Variants in SORCS2 observed in about 807,000 individuals in gnomAD.
SORCS2 encodes sortilin related VPS10 domain containing receptor 2.
SORCS2 carries 100 observed loss-of-function variants against 141.6 expected under a neutral mutation model. The ratio of observed to expected loss-of-function variants is 0.71; its 90% CI spans 0.60 to 0.83. The LOEUF is 0.83. Among genes scored for constraint, SORCS2 ranks in the 40% least tolerant of loss-of-function variants. The pLI is 0.00. For synonymous variants in SORCS2, 789 were observed against 676.9 expected (o/e 1.17, Z -2.57); for missense variants, 1,646 against 1,560.2 (o/e 1.05, Z -0.93).
chr4:7,481,817 G>A (rs926900693), intron 2 of SORCS2, among the ~76,000 whole-genome samples: 1 of 152,226 alleles, frequency 6.6e-6, no homozygotes, highest in Middle Eastern at 3.4e-3. Context: ...GCCCAGCAAC[G>A]AGAGAGAACG....
intron 3 of SORCS2, among the ~76,000 whole-genome samples, chr4:7,621,113 C>T (rs572243584): frequency 4.9e-4 from 75 of 152,302 alleles, no homozygotes; most frequent in African/African-American, 1.6e-3. Context: ...AGGCACCTCC[C>T]CTGCTGGGGG....
At chr4:7,261,434 C>T (rs1471376128) in intron 1 of SORCS2, among the ~76,000 whole-genome samples, 1 of 152,216 alleles carries the variant, frequency 6.6e-6, no homozygotes, top group African/African-American at 2.4e-5. Flanking sequence ...GTGGCCAAGG[C>T]ATGAGATTAT....
intron 2 of SORCS2, among the ~76,000 whole-genome samples, chr4:7,512,146 G>C (rs953838259): frequency 6.6e-6 from 1 of 152,118 alleles, no homozygotes; most frequent in Non-Finnish European, 1.5e-5. Context: ...ACAGATATCA[G>C]AGGTGAGCAG....
chr4:7,307,683 C>G (rs1717918287), intron 1 of SORCS2, among the ~76,000 whole-genome samples: 1 of 152,206 alleles, frequency 6.6e-6, no homozygotes, highest in African/African-American at 2.4e-5. Context: ...TCTGTAAGCA[C>G]TGAGGGAGAA....
At chr4:7,724,523 TAGGG>T (rs1726940763) in intron 19 of SORCS2, among the ~76,000 whole-genome samples, 2 of 135,714 alleles carry the variant, frequency 1.5e-5, no homozygotes, top group Non-Finnish European at 3.2e-5. Context: ...ATGGTGGTGA[TAGGG>T]TGGTGGTGAT....
intron 1 of SORCS2, among the ~76,000 whole-genome samples, chr4:7,306,623 C>T (rs1717853161): frequency 6.6e-6 from 1 of 152,172 alleles, no homozygotes; most frequent in African/African-American, 2.4e-5. Context: ...GCTAGGCATG[C>T]CTGGGAATCG....
intron 3 of SORCS2, among the ~76,000 whole-genome samples, chr4:7,534,499 T>C (rs1711948984): frequency 6.6e-6 from 1 of 152,238 alleles, no homozygotes; most frequent in African/African-American, 2.4e-5. Context: ...CGTGTGAATG[T>C]CACCTCTATG....
intron 3 of SORCS2, among the ~76,000 whole-genome samples, chr4:7,543,947 T>TCCAC (rs1225088053): frequency 0.016 from 328 of 21,022 alleles, 17 homozygotes; most frequent in Admixed American, 0.02. Flanking sequence ...CACCCATCCA[T>TCCAC]CCATCCATCC....
At chr4:7,570,854 ATGAATT>A (rs1271912743) in intron 3 of SORCS2, among the ~76,000 whole-genome samples, 1 of 152,152 alleles carries the variant, frequency 6.6e-6, no homozygotes, top group Non-Finnish European at 1.5e-5. Context: ...GGTGACAGCT[ATGAATT>A]TGAGAAAATA....
intron 3 of SORCS2, among the ~76,000 whole-genome samples, chr4:7,560,444 C>T (rs1046572076): frequency 1.1e-4 from 16 of 152,010 alleles, no homozygotes; most frequent in African/African-American, 3.9e-4. Flanking sequence ...CTTTGTCTCT[C>T]AATGGCTTGG....
At chr4:7,690,324 T>C (rs1291471873) in intron 11 of SORCS2, among the ~76,000 whole-genome samples, 3 of 11,176 alleles carry the variant, frequency 2.7e-4, no homozygotes, top group African/African-American at 1.1e-3. Context: ...GGTGGATAGG[T>C]GGACGGGTGG....
At position 7,396,282 on chromosome 4, in the gene SORCS2, C is replaced by A; in HGVS notation, c.481-6C>A. 6.2e-7 allele frequency: 1 copy of A among 1,613,854 alleles called. No individual in the cohort carries two copies. Among genetic ancestry groups the A allele is most frequent in the Non-Finnish European group, 8.5e-7 (1 of 1,179,828 alleles). Reference sequence around the variant, plus strand: ...TTCTGCCTTTTACTTTCTGTTAACACCACAGGTGATCTTGATCCTGACGAA... The same window carrying A: ...TTCTGCCTTTTACTTTCTGTTAACAACACAGGTGATCTTGATCCTGACGAA... On this transcript the variant is annotated splice_polypyrimidine_tract_variant and splice_region_variant and intron_variant, in intron 1 of 26. Coordinates refer to ENST00000507866, the MANE Select transcript of SORCS2 (RefSeq NM_020777.3).
At chr4:7,644,025 G>A (rs954075524) in intron 4 of SORCS2, among the ~76,000 whole-genome samples, 2 of 152,190 alleles carry the variant, frequency 1.3e-5, no homozygotes, top group Admixed American at 6.5e-5. Context: ...GCTCAGGGCA[G>A]GAACAATACT....
intron 2 of SORCS2, among the ~76,000 whole-genome samples, chr4:7,518,231 CGT>C (rs1733108529): frequency 6.6e-6 from 1 of 152,128 alleles, no homozygotes; most frequent in African/African-American, 2.4e-5. Context: ...ATTTATTGAT[CGT>C]ATGTGGATTG....
At chr4:7,721,247 C>T (rs1726571753) in intron 18 of SORCS2, among the ~76,000 whole-genome samples, 1 of 152,112 alleles carries the variant, frequency 6.6e-6, no homozygotes, top group Non-Finnish European at 1.5e-5. Flanking sequence ...GGTGGATCAG[C>T]TGAGGTCGGG....
intron 3 of SORCS2, among the ~76,000 whole-genome samples, chr4:7,604,466 C>T (rs535660520): frequency 2.0e-5 from 3 of 152,142 alleles, no homozygotes; most frequent in Non-Finnish European, 2.9e-5. Context: ...TACAGGTGCC[C>T]GCCACCACGC....
intron 3 of SORCS2, among the ~76,000 whole-genome samples, chr4:7,541,658 C>T (rs1712671067): frequency 6.6e-6 from 1 of 152,220 alleles, no homozygotes. Flanking sequence ...TCAGAACCAT[C>T]TGCGGACATG....
intron 3 of SORCS2, among the ~76,000 whole-genome samples, chr4:7,541,204 T>C (rs1226785505): frequency 6.6e-6 from 1 of 152,192 alleles, no homozygotes; most frequent in Admixed American, 6.5e-5. Context: ...AGGGCTGCCA[T>C]GCGTGCACCT....
At chr4:7,227,815 C>G (rs1357614911) in intron 1 of SORCS2, among the ~76,000 whole-genome samples, 1 of 152,182 alleles carries the variant, frequency 6.6e-6, no homozygotes, top group Admixed American at 6.5e-5. Context: ...TGCCTGCTGT[C>G]CCCTCTTCCA....
Sources: allele counts gnomAD v4.1 joint callset (sites outside exome capture counted in the v4.1 genomes callset), GRCh38; gene constraint gnomAD v4.1.1; transcripts MANE v1.5; gene names NCBI Gene and HGNC (gene_info 2026-07-23, HGNC 2026-07-21).